The following SYNPR variants were observed in gnomAD, a reference collection of about 807,000 sequenced individuals.
The protein encoded by SYNPR is synaptoporin.
A neutral mutation model predicts 32.9 loss-of-function variants in SYNPR; 23 were observed. The observed-to-expected ratio is 0.70, with a 90% confidence interval of 0.50 to 0.99. The LOEUF (loss-of-function observed/expected upper bound fraction) is 0.99. SYNPR is among the 50% of genes least tolerant of loss of function. The pLI is 0.00. For synonymous variants in SYNPR, 146 were observed against 135.9 expected, an observed-to-expected ratio of 1.07 and a Z score of -0.52; for missense variants, 318 against 349.3, an observed-to-expected ratio of 0.91 and a Z score of 0.71.
chr3:63,545,474 C>T (rs115219810), intron 3 of SYNPR: 1 of 152,076 alleles, frequency 6.6e-6, no homozygotes, highest in Non-Finnish European at 1.5e-5. Context: ...ACGCCCTGAT[C>T]TCAGAAGCTA....
chr3:63,300,331 T>TTCTG, intron 2 of SYNPR, among the ~76,000 whole-genome samples: 1 of 151,444 alleles, frequency 6.6e-6, no homozygotes, highest in South Asian at 2.1e-4. Flanking sequence ...CATTCTTTGC[T>TTCTG]TCTATCTATC....
intron 5 of SYNPR, among the ~76,000 whole-genome samples, chr3:63,613,705 A>T (rs182260715): frequency 5.8e-4 from 88 of 150,798 alleles, no homozygotes; most frequent in South Asian, 6.3e-4. Context: ...ACCATTTAGT[A>T]AGTATTTGCT....
intron 2 of SYNPR, among the ~76,000 whole-genome samples, chr3:63,370,326 G>A (rs1224952872): frequency 6.6e-6 from 1 of 152,154 alleles, no homozygotes; most frequent in Non-Finnish European, 1.5e-5. Context: ...AGAAAATCAG[G>A]CCCTTGAGAC....
At chr3:63,278,221 C>G, upstream of SYNPR, 3 of 327,124 alleles carry the variant, frequency 9.2e-6, no homozygotes, top group Non-Finnish European at 1.7e-5. Flanking sequence ...CCCTCTGGAG[C>G]GCGGCTGGCC....
the SYNPR span, among the ~76,000 whole-genome samples, chr3:63,218,613 C>G: frequency 6.6e-6 from 1 of 152,148 alleles, no homozygotes; most frequent in African/African-American, 2.4e-5. Flanking sequence ...TGCTTTTTGC[C>G]TCTTAAGAAA....
At chr3:63,426,660 A>C (rs910175465) in intron 2 of SYNPR, 8 of 152,170 alleles carry the variant, frequency 5.3e-5, no homozygotes, top group African/African-American at 1.9e-4. Context: ...TGATATGTTA[A>C]TCATTCAAAA....
the SYNPR span, among the ~76,000 whole-genome samples, chr3:63,210,997 AG>A: frequency 1.3e-5 from 2 of 152,186 alleles, no homozygotes; most frequent in Non-Finnish European, 2.9e-5. Context: ...TGCCACTATT[AG>A]CCTCTTCTCC....
At chr3:63,365,158 G>A (rs565117790) in intron 2 of SYNPR, among the ~76,000 whole-genome samples, 1 of 152,322 alleles carries the variant, frequency 6.6e-6, no homozygotes, top group East Asian at 1.9e-4. Context: ...CAGAGCTAAT[G>A]TCAGCTGAAG....
intron 1 of SYNPR, among the ~76,000 whole-genome samples, chr3:63,251,008 C>G (rs1036137080): frequency 6.6e-6 from 1 of 151,738 alleles, no homozygotes; most frequent in African/African-American, 2.4e-5. Context: ...ACCAAAAGAA[C>G]AAAAATAAGA....
the SYNPR span, among the ~76,000 whole-genome samples, chr3:63,223,074 A>G: frequency 2.6e-5 from 4 of 152,052 alleles, no homozygotes; most frequent in Non-Finnish European, 4.4e-5. Flanking sequence ...GCTCCACGCT[A>G]CTCACAGAGG....
intron 2 of SYNPR, among the ~76,000 whole-genome samples, chr3:63,266,299 T>G (rs2086484527): frequency 6.6e-6 from 1 of 152,302 alleles, no homozygotes; most frequent in Admixed American, 6.5e-5. Flanking sequence ...TATTGTTACA[T>G]TGCCTATTTG....
At chr3:63,494,776 C>T (rs540074525) in intron 3 of SYNPR, among the ~76,000 whole-genome samples, 1 of 152,014 alleles carries the variant, frequency 6.6e-6, no homozygotes, top group East Asian at 1.9e-4. Context: ...GTGGCAAGGC[C>T]ATACTTAGAA....
the SYNPR span, among the ~76,000 whole-genome samples, chr3:63,220,577 C>T: frequency 6.6e-6 from 1 of 152,158 alleles, no homozygotes; most frequent in Non-Finnish European, 1.5e-5. Flanking sequence ...CTTTCCTGGT[C>T]ACTTTCTGTG....
intron 3 of SYNPR, among the ~76,000 whole-genome samples, chr3:63,273,299 T>C (rs1240760881): frequency 6.6e-6 from 1 of 152,228 alleles, no homozygotes; most frequent in African/African-American, 2.4e-5. Context: ...CTCTGCTGTT[T>C]ACTCTCTATA....
chr3:63,597,755 G>A (rs558952803), intron 4 of SYNPR, among the ~76,000 whole-genome samples: 16 of 152,108 alleles, frequency 1.1e-4, no homozygotes, highest in South Asian at 2.1e-4. Context: ...AAGGTCATAC[G>A]ATCTTCGTTG....
chr3:63,388,556 TTGTGTGTGTGTGTGTGTG>T (rs749669898), intron 2 of SYNPR, among the ~76,000 whole-genome samples: 1 of 128,016 alleles, frequency 7.8e-6, no homozygotes, highest in Non-Finnish European at 1.6e-5. Flanking sequence ...CCCGGCTAAT[TTGTGTGTGTGTGTGTGTG>T]TGTGTGTGTG....
chr3:63,589,105 A>G (rs1363798549), intron 4 of SYNPR, among the ~76,000 whole-genome samples: 1 of 152,088 alleles, frequency 6.6e-6, no homozygotes, highest in Non-Finnish European at 1.5e-5. Flanking sequence ...AGGCCAATTC[A>G]TAGGCCTTCC....
At chr3:63,321,894 T>A (rs922179380) in intron 2 of SYNPR, among the ~76,000 whole-genome samples, 7 of 151,972 alleles carry the variant, frequency 4.6e-5, no homozygotes, top group Non-Finnish European at 1.0e-4. Context: ...CTTGAAGAGG[T>A]CAACTAAAAA....
At chr3:63,366,142 C>T (rs1435809251) in intron 2 of SYNPR, among the ~76,000 whole-genome samples, 2 of 152,146 alleles carry the variant, frequency 1.3e-5, no homozygotes, top group Non-Finnish European at 2.9e-5. Flanking sequence ...TCTTAATTAG[C>T]TTTAATTCTG....
Sources: allele counts gnomAD v4.1 joint callset (sites outside exome capture counted in the v4.1 genomes callset), GRCh38; gene constraint gnomAD v4.1.1; transcripts MANE v1.5; gene names NCBI Gene and HGNC (gene_info 2026-07-23, HGNC 2026-07-21).